Variants in DVL2 observed in about 807,000 individuals in gnomAD.
DVL2 encodes dishevelled segment polarity protein 2.
A neutral mutation model predicts 69.8 loss-of-function variants in DVL2; 38 were observed. The ratio of observed to expected loss-of-function variants is 0.54; its 90% CI spans 0.42 to 0.71. The LOEUF is 0.71. Ranked by LOEUF, DVL2 falls within the 30% of genes least tolerant of loss-of-function variation. DVL2 has a pLI of 0.00. For missense variants in DVL2, 931 were observed against 1,008.1 expected (o/e 0.92, Z 1.04); for synonymous variants, 428 against 392.4 (o/e 1.09, Z -1.07).
chr17:7,232,815 C>A (rs1395835967), intron 1 of DVL2, among the ~76,000 whole-genome samples: 1 of 152,050 alleles, frequency 6.6e-6, no homozygotes, highest in Admixed American at 6.5e-5. Flanking sequence ...TTGGGCCGGG[C>A]GCGGTGGCTC....
intron 2 of DVL2, 80 bp from the exon 3 acceptor site, chr17:7,230,510 A>C (rs2071527091): frequency 2.6e-6 from 4 of 1,563,558 alleles, no homozygotes; most frequent in South Asian, 1.1e-5. Flanking sequence ...AGAATGAGAA[A>C]GGGTCTCAGA....
chr17:7,233,941 C>A, intron 1 of DVL2, 128 bp downstream of exon 1: 4 of 987,296 alleles, frequency 4.1e-6, no homozygotes, highest in Non-Finnish European at 1.5e-6. Flanking sequence ...CCTACCTCAG[C>A]ATAGTACAAT....
In DVL2 at chr17:7,227,965, A is replaced by C. The variant is rs780087339; in HGVS notation, c.1102+12T>G. On this transcript the variant is annotated intron_variant, in intron 10 of 14. Coordinates refer to ENST00000005340, the MANE Select transcript of DVL2 (RefSeq NM_004422.3). ...ACCCCCAACTTCAGGCCCCTCCCTG[A>C]GTGTCACTCACTTCGGGGGAGAGTG... 4.8e-5 allele frequency: 75 copies of C among 1,574,972 alleles called. No homozygotes were observed. Among genetic ancestry groups the C allele is most frequent in the Non-Finnish European group, 6.3e-5 (73 of 1,160,164 alleles).
In DVL2 at chr17:7,227,782, A is replaced by G. The variant is rs1290082515; in HGVS notation, c.1104T>C (p.Asn368=). ...CAGGGTCAATTGGCTGGATGGGCTC[A>G]TCTGGGACAAAGATGGCACCAAAAT... is the stretch of plus-strand genomic sequence containing the variant. ...SPQAYFTLPR[N]EPIQPIDPAA... The change falls in exon 11 of 15, where the codon AAT becomes AAC. Residue 368 remains asparagine, a splice_region_variant and synonymous_variant. Transcript: ENST00000005340. The G allele has an allele frequency of 3.2e-6, 5 of 1,569,806 alleles. No individual in the cohort carries two copies. The highest frequency in any genetic ancestry group is 2.7e-5 in the African/African-American group (2 of 73,660).
Position 7,226,264 on chromosome 17 carries a change from C to A in DVL2, c.1812G>T (p.Thr604=). 1 of 1,603,544 alleles carries A rather than the reference C, an allele frequency of 6.2e-7. No individual in the cohort carries two copies. The highest frequency in any genetic ancestry group is 1.1e-5 in the South Asian group (1 of 90,048). Residue 604 remains threonine (T), a synonymous_variant, in exon 15 of 15, where the codon ACG becomes ACT. Coordinates refer to ENST00000005340, the MANE Select transcript of DVL2 (RefSeq NM_004422.3). ...STRSDGGAGR[T]GRPEERAPES... Reference sequence around the variant, plus strand: ...CGGGGGCCCGCTCCTCGGGCCTCCCCGTGCGCCCTGCCCCCCCATCACTCC... The same window carrying A: ...CGGGGGCCCGCTCCTCGGGCCTCCCAGTGCGCCCTGCCCCCCCATCACTCC...
In DVL2 at chr17:7,225,974, GC is replaced by G; in HGVS notation, c.2101del (p.Ala701ProfsTer14). On this transcript the variant is annotated frameshift_variant, in exon 15 of 15. Coordinates refer to ENST00000005340, the MANE Select transcript of DVL2 (RefSeq NM_004422.3). LOFTEE classifies it high-confidence loss of function. Reference sequence around the variant, plus strand: ...AGAGCCCAGGTCTCTGACTGGAGGGGCCCCCGGAGGCTGCACTGCTGGAGGG... The same window carrying G: ...AGAGCCCAGGTCTCTGACTGGAGGGGCCCCGGAGGCTGCACTGCTGGAGGG... ...PVPPAVQPPG[A>X]PPVRDLGSVP... is the part of the protein sequence containing the mutation. 1 of 1,613,710 alleles carries G rather than the reference GC, an allele frequency of 6.2e-7. No homozygotes were observed. Among genetic ancestry groups the G allele is most frequent in the Non-Finnish European group, 8.5e-7 (1 of 1,179,952 alleles).
chr17:7,228,050 G>C lies in DVL2; in HGVS notation c.1035-6C>G. ...CCACAGTCAGCACAATGGGGCTATG[G>C]GGAAGAGAAGTCCAGTCAAGGGCGC... On this transcript the variant is annotated splice_polypyrimidine_tract_variant and splice_region_variant and intron_variant, in intron 9 of 14. Transcript: ENST00000005340. 1 of 1,532,028 alleles carries C rather than the reference G, an allele frequency of 6.5e-7. No individual in the cohort carries two copies. The highest frequency in any genetic ancestry group is 8.8e-7 in the Non-Finnish European group (1 of 1,141,704). 94.9% of individuals were successfully genotyped at this position (1,532,028 alleles called of 1,614,324 possible). A position where few individuals can be genotyped will look rare whatever the true frequency, so the allele number is the denominator to read the frequency against.
In DVL2 at chr17:7,229,418, G is replaced by A; in HGVS notation, c.777C>T (p.Ser259=). 2 of 1,614,000 alleles carry A rather than the reference G, an allele frequency of 1.2e-6. No individual in the cohort carries two copies. The highest frequency in any genetic ancestry group is 1.7e-6 in the Non-Finnish European group (2 of 1,180,038). The part of the protein sequence containing the change: ...RTSSFSSVTD[S]TMSLNIITVT... The stretch of plus-strand genomic sequence containing the variant: ...CTGTGATGATATTGAGAGACATTGT[G>A]GAATCTGTGACGCTGCTGAAGGATG... Residue 259 remains serine, a synonymous_variant, in exon 7 of 15, where the codon TCC becomes TCT. Coordinates refer to ENST00000005340, the MANE Select transcript of DVL2 (RefSeq NM_004422.3). The surrounding 1 kb of genome is among the most constrained non-coding windows in gnomAD (Gnocchi z 4.4).
At position 7,234,337 on chromosome 17, in the gene DVL2, C is replaced by G. The variant is rs2071601171; in HGVS notation, c.-75G>C. The G allele has an allele frequency of 2.0e-6, 3 of 1,504,682 alleles. No individual in the cohort carries two copies. The highest frequency in any genetic ancestry group is 2.5e-5 in the South Asian group (2 of 78,988). The allele number at this position is 1,504,682 out of a possible 1,614,324, so 93.2% of individuals were successfully genotyped here. On this transcript the variant is annotated 5_prime_UTR_variant, in exon 1 of 15. Coordinates refer to ENST00000005340, the MANE Select transcript of DVL2 (RefSeq NM_004422.3). ...GGCCCCTGCCGCGCCTGCGCACACCCGCAAACCGACGCGCGAGCGCGGACA... is the reference window on the plus strand; with the variant it reads ...GGCCCCTGCCGCGCCTGCGCACACCGGCAAACCGACGCGCGAGCGCGGACA...
In DVL2 at chr17:7,227,089, C is replaced by T; in HGVS notation, c.1543+1G>A. On this transcript the variant is annotated splice_donor_variant, in intron 13 of 14. Coordinates refer to ENST00000005340, the MANE Select transcript of DVL2 (RefSeq NM_004422.3). LOFTEE classifies it high-confidence loss of function. The stretch of plus-strand genomic sequence containing the variant: ...CCCAGAGTTGGGGCAGGGGGACTTA[C>T]AGCTCTCACAGCCACCACTGAGGTC... The T allele has an allele frequency of 6.2e-7, 1 of 1,604,912 alleles. No homozygotes were observed. Among genetic ancestry groups the T allele is most frequent in the Non-Finnish European group, 8.5e-7 (1 of 1,175,390 alleles).
rs753205738 is a variant in DVL2, at chr17:7,229,347, C to T, written c.817+31G>A. The T allele has an allele frequency of 3.1e-6, 5 of 1,613,600 alleles. No individual in the cohort carries two copies. The highest frequency in any genetic ancestry group is 1.6e-4 in the Middle Eastern group (1 of 6,084). ...CCGGAACCCTAGAGACCAGGCCCTC[C>T]CCACGCCCTAGCCACAGGCTCTCCC... On this transcript the variant is annotated intron_variant, in intron 7 of 14. Transcript: ENST00000005340. The surrounding 1 kb of genome is among the most constrained non-coding windows in gnomAD (Gnocchi z 4.4).
At chr17:7,228,642 G>A (rs150496971) in intron 9 of DVL2, 8,171 of 296,050 alleles carry the variant, frequency 0.028, 158 homozygotes, top group Middle Eastern at 0.035. Context: ...GTGCAGTGGC[G>A]TGATCTCGTT....
At chr17:7,232,085 CCTT>C (rs775741940) in intron 1 of DVL2, among the ~76,000 whole-genome samples, 1 of 152,168 alleles carries the variant, frequency 6.6e-6, no homozygotes, top group East Asian at 1.9e-4. Flanking sequence ...CGGACTTGCC[CCTT>C]CTTCTTGACC....
rs750791561 is a variant in DVL2, at chr17:7,230,078, C to A, written c.488G>T (p.Arg163Leu). Residue 163 changes from arginine to leucine, a missense_variant, in exon 4 of 15, where the codon CGG becomes CTG. Around this residue, in one of 3 missense-constraint regions of DVL2, gnomAD observed 555 missense variants for 588.8 expected, o/e 0.94. Transcript: ENST00000005340. ...CTCACTGCTGTCTCTCCTGCGAGGC[C>A]GCTCCCGCCTCAGTGACACTACTGA... ...TESVVSLRRERPRRRDSSEHG... is the reference protein window; with the variant it reads ...TESVVSLRRELPRRRDSSEHG... The A allele has an allele frequency of 6.2e-7, 1 of 1,614,164 alleles. No individual in the cohort carries two copies. Among genetic ancestry groups the A allele is most frequent in the African/African-American group, 1.3e-5 (1 of 75,066 alleles).
chr17:7,233,950 A>G (rs2071591051), intron 1 of DVL2, 119 bp downstream of exon 1: 2 of 1,094,266 alleles, frequency 1.8e-6, no homozygotes, highest in Non-Finnish European at 2.7e-6. Flanking sequence ...GCATAGTACA[A>G]TCTGCTCCAC....
rs1341396649 is a variant in DVL2 at position 7,225,746 on chromosome 17, A to C, written c.*119T>G. 1.1e-6 allele frequency: 1 copy of C among 884,920 alleles called. No individual in the cohort carries two copies. Among genetic ancestry groups the C allele is most frequent in the Non-Finnish European group, 1.8e-6 (1 of 547,700 alleles). 54.8% of individuals were successfully genotyped at this position (884,920 alleles called of 1,614,324 possible). ...GCTGGTGAGAGTCACAGTGGCCACAATCTCCTGTATGGCAGCAGCTGGTAG... is the reference window on the plus strand; with the variant it reads ...GCTGGTGAGAGTCACAGTGGCCACACTCTCCTGTATGGCAGCAGCTGGTAG... On this transcript the variant is annotated 3_prime_UTR_variant, in exon 15 of 15. Coordinates refer to ENST00000005340, the MANE Select transcript of DVL2 (RefSeq NM_004422.3).
At position 7,229,965 on chromosome 17, in the gene DVL2, A is replaced by G. The variant is rs1458986152; in HGVS notation, c.521-22T>C. The G allele has an allele frequency of 6.2e-7, 1 of 1,608,194 alleles. No individual in the cohort carries two copies. The highest frequency in any genetic ancestry group is 1.3e-5 in the African/African-American group (1 of 75,014). ...CCAGCTACATATGGACAGGAAGCTCAAGAACCAAGCTTCCCCCTGCTCACC... is the reference window on the plus strand; with the variant it reads ...CCAGCTACATATGGACAGGAAGCTCGAGAACCAAGCTTCCCCCTGCTCACC... On this transcript the variant is annotated intron_variant, in intron 4 of 14. Coordinates refer to ENST00000005340, the MANE Select transcript of DVL2 (RefSeq NM_004422.3). The surrounding 1 kb of genome is among the most constrained non-coding windows in gnomAD (Gnocchi z 4.4).
chr17:7,231,552 T>C (rs2071543931), intron 1 of DVL2, among the ~76,000 whole-genome samples: 1 of 151,142 alleles, frequency 6.6e-6, no homozygotes, highest in East Asian at 2.0e-4. Context: ...TAGAAGACTG[T>C]CCTTTCTTGA....
chr17:7,230,086 C>A lies in DVL2; in HGVS notation c.480G>T (p.Arg160Ser), dbSNP rs149000857. The A allele has an allele frequency of 1.2e-6, 2 of 1,614,200 alleles. No individual in the cohort carries two copies. The highest frequency in any genetic ancestry group is 2.2e-5 in the South Asian group (2 of 91,088). ...ETETESVVSL[R>S]RERPRRRDSS... is the part of the protein sequence containing the mutation. ...TGTCTCTCCTGCGAGGCCGCTCCCG[C>A]CTCAGTGACACTACTGACTCGGTTT... Residue 160 changes from arginine to serine, a missense_variant, in exon 4 of 15, where the codon AGG (arginine) becomes AGT (serine). Physicochemically the swap from Arg to Ser is moderately radical, Grantham distance 110. Transcript: ENST00000005340.
Sources: gnomAD v4.1 joint callset for allele counts (sites outside exome capture counted in the v4.1 genomes callset) on GRCh38, gnomAD v4.1.1 for gene constraint, gnomAD v4.1.1 regional missense constraint, Gnocchi (gnomAD v3.1) non-coding constraint, MANE v1.5 for transcripts, NCBI Gene and HGNC (gene_info 2026-07-23, HGNC 2026-07-21) for gene names.